Variants in PRRC2B observed in about 807,000 individuals in gnomAD.
PRRC2B encodes protein PRRC2B.
In PRRC2B, 68 loss-of-function variants were observed where a neutral mutation model predicts 242.3. That is an observed-to-expected ratio of 0.28 (90% CI 0.23 to 0.34). The LOEUF (loss-of-function observed/expected upper bound fraction) is 0.34, where lower values mean the gene tolerates loss of function less well. Ranked by LOEUF, PRRC2B falls within the 10% of genes least tolerant of loss-of-function variation. The probability of loss-of-function intolerance (pLI) is 1.00; values close to 1 mark genes in which losing one functional copy is unlikely to be tolerated. For synonymous variants in PRRC2B, 1,228 were observed against 1,173.6 expected (o/e 1.05, Z -0.95); for missense variants, 2,835 against 2,954.8 (o/e 0.96, Z 0.94).
At chr9:131,400,963 CT>C (rs765033495) in intron 1 of PRRC2B, among the ~76,000 whole-genome samples, 304 of 131,284 alleles carry the variant, frequency 2.3e-3, no homozygotes, top group Middle Eastern at 3.9e-3. Context: ...TTCTTTCTTT[CT>C]TTTTTTTTTT....
In PRRC2B at chr9:131,473,640, A is replaced by G. The variant is rs1235358600; in HGVS notation, c.2240A>G (p.Glu747Gly). The G allele has an allele frequency of 6.2e-7, 1 of 1,613,512 alleles. No individual in the cohort carries two copies. The highest frequency in any genetic ancestry group is 8.5e-7 in the Non-Finnish European group (1 of 1,179,734). The change falls in exon 15 of 32, where the codon GAG becomes GGG. Residue 747 changes from glutamate to glycine, a missense_variant. Transcript: ENST00000683519. ...PIDSPPVWSP[E>G]GYMALQSKGY... is the part of the protein sequence containing the mutation. ...GACTCACCCCCTGTGTGGAGCCCAGAGGGCTACATGGCACTGCAGAGCAAG... is the reference window on the plus strand; with the variant it reads ...GACTCACCCCCTGTGTGGAGCCCAGGGGGCTACATGGCACTGCAGAGCAAG...
Position 131,474,499 on chromosome 9 carries a change from A to T in PRRC2B, c.2370A>T (p.Val790=). The change falls in exon 16 of 32, where the codon GTA becomes GTT. Residue 790 remains valine (V), a synonymous_variant. Transcript: ENST00000683519. The part of the protein sequence containing the change: ...FSASLGRAGG[V]SAQRDLFEER... ...CCTCACTCGGAAGGGCAGGGGGCGT[A>T]AGTGCTCAGCGCGATCTCTTTGAGG... is the stretch of plus-strand genomic sequence containing the variant. 6.2e-7 allele frequency: 1 copy of T among 1,613,960 alleles called. No individual in the cohort carries two copies. Among genetic ancestry groups the T allele is most frequent in the Non-Finnish European group, 8.5e-7 (1 of 1,179,878 alleles).
intron 23 of PRRC2B, 44 bp downstream of exon 23, chr9:131,483,489 C>T (rs377016294): frequency 6.5e-5 from 101 of 1,545,472 alleles, no homozygotes; most frequent in Admixed American, 1.0e-4. Context: ...CTGCTTGGGG[C>T]TGGCAGGCCC....
At chr9:131,470,046 A>G (rs1943498021) in intron 13 of PRRC2B, among the ~76,000 whole-genome samples, 1 of 152,092 alleles carries the variant, frequency 6.6e-6, no homozygotes, top group Admixed American at 6.6e-5. Context: ...TAAACTGAAA[A>G]TCTGCGTTTA....
At chr9:131,392,389 G>A (rs1236795546), upstream of PRRC2B, among the ~76,000 whole-genome samples, 3 of 152,086 alleles carry the variant, frequency 2.0e-5, no homozygotes, top group Non-Finnish European at 2.9e-5. Flanking sequence ...TAGCCACTGC[G>A]CCAGCCTTAC....
chr9:131,478,589 A>G lies in PRRC2B; in HGVS notation c.4728A>G (p.Glu1576=). 1 of 1,397,080 alleles carries G rather than the reference A, an allele frequency of 7.2e-7. No homozygotes were observed. Among genetic ancestry groups the G allele is most frequent in the Non-Finnish European group, 9.6e-7 (1 of 1,044,134 alleles). The allele number at this position is 1,397,080 out of a possible 1,614,324, so 86.5% of individuals were successfully genotyped here. The change falls in exon 18 of 32, where the codon GAA becomes GAG. Residue 1576 remains glutamate (E), a synonymous_variant. Coordinates refer to ENST00000683519, the MANE Select transcript of PRRC2B (RefSeq NM_013318.4). ...LTKKQRRLLE[E]ERRKKEQAVQ... is the part of the protein sequence containing the mutation. ...AGAAGCAGCGCCGCCTGCTGGAGGA[A>G]GAGAGAAGAAAGAAGGAGCAGGCCG...
At chr9:131,397,606 CAT>C (rs1444328758) in intron 1 of PRRC2B, among the ~76,000 whole-genome samples, 1 of 117,344 alleles carries the variant, frequency 8.5e-6, no homozygotes, top group African/African-American at 3.4e-5. Flanking sequence ...AGTACTGACT[CAT>C]GTTGCTAATG....
intron 1 of PRRC2B, among the ~76,000 whole-genome samples, chr9:131,402,891 A>G (rs1837262034): frequency 6.6e-6 from 1 of 152,166 alleles, no homozygotes; most frequent in African/African-American, 2.4e-5. Context: ...GCATTCTTGT[A>G]TGGCCAGTGG....
intron 12 of PRRC2B, among the ~76,000 whole-genome samples, 193 bp from the exon 13 acceptor site, chr9:131,467,370 T>G (rs538412937): frequency 2.2e-4 from 34 of 152,328 alleles, no homozygotes; most frequent in South Asian, 1.2e-3. Flanking sequence ...AGGTGAAGCC[T>G]CCTCACATGT....
At chr9:131,465,806 C>A (rs1253271985) in intron 12 of PRRC2B, among the ~76,000 whole-genome samples, 1 of 152,156 alleles carries the variant, frequency 6.6e-6, no homozygotes, top group African/African-American at 2.4e-5. Flanking sequence ...CTCACTGCAA[C>A]CTCTGCCTGC....
chr9:131,403,267 C>A (rs1384584735), intron 1 of PRRC2B, among the ~76,000 whole-genome samples: 2 of 152,152 alleles, frequency 1.3e-5, no homozygotes, highest in Non-Finnish European at 2.9e-5. Context: ...TGTCCTGAAT[C>A]ATAATGTGGT....
At position 131,446,962 on chromosome 9, in the gene PRRC2B, A is replaced by C; in HGVS notation, c.856-123A>C. On this transcript the variant is annotated intron_variant, in intron 7 of 31. Transcript: ENST00000683519. This position sits in a 1 kb window ranked among gnomAD's most constrained non-coding sequence, Gnocchi z 4.1. Reference sequence around the variant, plus strand: ...GGAGATGGTGGTAGGATTAATTAGGAAACCCCATGACTTTCCTGTTTCTTT... The same window carrying C: ...GGAGATGGTGGTAGGATTAATTAGGCAACCCCATGACTTTCCTGTTTCTTT... The C allele has an allele frequency of 1.3e-5, 17 of 1,291,732 alleles. No homozygotes were observed. The highest frequency in any genetic ancestry group is 1.6e-5 in the Non-Finnish European group (15 of 930,714). 80.0% of individuals were successfully genotyped at this position (1,291,732 alleles called of 1,614,324 possible).
chr9:131,411,782 A>G (rs1837515073), intron 1 of PRRC2B, among the ~76,000 whole-genome samples: 1 of 151,622 alleles, frequency 6.6e-6, no homozygotes, highest in South Asian at 2.1e-4. Flanking sequence ...GTTTTATTGC[A>G]CTGTTGTCAG....
chr9:131,452,072 C>T lies in PRRC2B; in HGVS notation c.1121-3004C>T, dbSNP rs75798604. Reference sequence around the variant, plus strand: ...GTTGTGGAGTGTTCTTCTCTACTTTCCTAAAGAATAAGATTGGTATTTTTG... The same window carrying T: ...GTTGTGGAGTGTTCTTCTCTACTTTTCTAAAGAATAAGATTGGTATTTTTG... On this transcript the variant is annotated intron_variant, in intron 9 of 31. Coordinates refer to ENST00000683519, the MANE Select transcript of PRRC2B (RefSeq NM_013318.4). Among the ~76,000 whole-genome samples, 1,442 of 149,226 alleles carry T rather than the reference C, an allele frequency of 9.7e-3. 30 individuals are homozygous for T. The highest frequency in any genetic ancestry group is 0.034 in the African/African-American group (1,363 of 40,594).
At chr9:131,456,320 A>G (rs1943075421) in intron 10 of PRRC2B, among the ~76,000 whole-genome samples, 1 of 148,584 alleles carries the variant, frequency 6.7e-6, no homozygotes, top group Admixed American at 6.8e-5. Context: ...TTATAATGTT[A>G]GTAGCACTTT....
chr9:131,439,652 T>C (rs967043691), intron 5 of PRRC2B, among the ~76,000 whole-genome samples: 6 of 152,168 alleles, frequency 3.9e-5, no homozygotes, highest in African/African-American at 1.4e-4. Flanking sequence ...CTGCCCCTTA[T>C]GGGTTGAAAT....
At position 131,499,051 on chromosome 9, in the gene PRRC2B, G is replaced by A. The variant is rs530066871; in HGVS notation, c.*3177G>A. ...ACTCTGGCTCTAGGTTCCTTAAGGGGGAAAACAAAAGATGACTTTATTTCA... is the reference window on the plus strand; with the variant it reads ...ACTCTGGCTCTAGGTTCCTTAAGGGAGAAAACAAAAGATGACTTTATTTCA... On this transcript the variant is annotated 3_prime_UTR_variant, in exon 32 of 32. Coordinates refer to ENST00000683519, the MANE Select transcript of PRRC2B (RefSeq NM_013318.4). The A allele has an allele frequency of 6.6e-6, 1 of 152,264 alleles. No individual in the cohort carries two copies. The highest frequency in any genetic ancestry group is 2.4e-5 in the African/African-American group (1 of 41,532). 9.4% of individuals were successfully genotyped at this position (152,264 alleles called of 1,614,324 possible).
In PRRC2B at chr9:131,464,962, A is replaced by G. The variant is rs777594795; in HGVS notation, c.1604A>G (p.Lys535Arg). The change falls in exon 12 of 32, where the codon AAG (lysine) becomes AGG (arginine). Residue 535 changes from lysine (K) to arginine (R), a missense_variant. This residue lies in a region of PRRC2B where 1,536 missense variants were observed against 1,483.1 expected (regional missense o/e 1.04). Transcript: ENST00000683519. ...CAAKLKQLDQ[K>R]CKQARKAGEA... ...GCCAAACTCAAGCAGCTGGACCAGA[A>G]GTGTAAGCAGGCACGAAAGGCAGGT... 4.3e-6 allele frequency: 7 copies of G among 1,613,842 alleles called. No individual in the cohort carries two copies. The Admixed American group carries it at 1.0e-4, about 23-fold the overall frequency.
rs1944081031 is a variant in PRRC2B at position 131,488,199 on chromosome 9, G to C, written c.6225+103G>C. On this transcript the variant is annotated intron_variant, in intron 28 of 31. Transcript: ENST00000683519. ...TCAGTGTGTGCTGGCCTATCGTGCTGTTGGTTGGTAGCCACCGTGCCCATT... is the reference window on the plus strand; with the variant it reads ...TCAGTGTGTGCTGGCCTATCGTGCTCTTGGTTGGTAGCCACCGTGCCCATT... 10 of 1,453,290 alleles carry C rather than the reference G, an allele frequency of 6.9e-6. No individual in the cohort carries two copies. The South Asian group carries it at 1.4e-4, about 21-fold the overall frequency. The allele number at this position is 1,453,290 out of a possible 1,614,324, so 90.0% of individuals were successfully genotyped here. A position where few individuals can be genotyped will look rare whatever the true frequency, so the allele number is the denominator to read the frequency against.
Sources: allele counts gnomAD v4.1 joint callset (sites outside exome capture counted in the v4.1 genomes callset), GRCh38; gene constraint gnomAD v4.1.1; regional missense constraint gnomAD v4.1.1; non-coding constraint Gnocchi (gnomAD v3.1); transcripts MANE v1.5; gene names NCBI Gene and HGNC (gene_info 2026-07-23, HGNC 2026-07-21).